The following GPHN variants were observed in gnomAD, a reference collection of about 807,000 sequenced individuals.
GPHN encodes gephyrin.
In GPHN, 17 loss-of-function variants were observed where a neutral mutation model predicts 95.5. The ratio of observed to expected loss-of-function variants is 0.18; its 90% CI spans 0.12 to 0.27. The LOEUF is 0.27. GPHN is among the 10% of genes least tolerant of loss of function. The pLI is 1.00. For synonymous variants in GPHN, 320 were observed against 322.5 expected (o/e 0.99, Z 0.08); for missense variants, 660 against 978.1 (o/e 0.67, Z 4.34).
chr14:67,177,242 G>GCC (rs1567453993), intron 21 of GPHN, among the ~76,000 whole-genome samples: 1 of 152,140 alleles, frequency 6.6e-6, no homozygotes, highest in African/African-American at 2.4e-5. Context: ...TCTACACATT[G>GCC]CTTTAAACGT....
the GPHN span, among the ~76,000 whole-genome samples, chr14:67,280,792 T>TTTCCTTCCTTCCTTCCTTCCTTCC: frequency 3.1e-4 from 24 of 77,662 alleles, no homozygotes; most frequent in Non-Finnish European, 4.8e-4. Context: ...TCTGGAGCAG[T>TTTCCTTCCTTCCTTCCTTCCTTCC]TTCCTTCCTT....
intron 9 of GPHN, 123 bp downstream of exon 9, chr14:66,965,448 A>G (rs1261025897): frequency 6.5e-6 from 6 of 916,646 alleles, no homozygotes; most frequent in South Asian, 5.4e-5. Context: ...AAAAATGAAT[A>G]AAGTGTAAGA....
the GPHN span, chr14:67,204,818 T>G: frequency 6.2e-7 from 1 of 1,613,946 alleles, no homozygotes; most frequent in Admixed American, 1.7e-5. Flanking sequence ...TTCACAGCCA[T>G]CCTGACCCCG....
chr14:66,563,955 A>G (rs188499872), intron 1 of GPHN, among the ~76,000 whole-genome samples: 47 of 152,230 alleles, frequency 3.1e-4, no homozygotes, highest in African/African-American at 9.4e-4. Flanking sequence ...GTTTTGCATT[A>G]CTATTATGGT....
intron 20 of GPHN, among the ~76,000 whole-genome samples, chr14:67,166,507 T>A (rs931593089): frequency 5.3e-5 from 8 of 152,192 alleles, no homozygotes; most frequent in African/African-American, 1.9e-4. Context: ...CTACTTTTAA[T>A]TTGAAACCTT....
the GPHN span, chr14:67,348,949 G>A: frequency 1.6e-6 from 2 of 1,225,294 alleles, no homozygotes; most frequent in East Asian, 2.4e-5. Context: ...AAGAAACTAG[G>A]ACATTAAGAT....
At chr14:67,689,957 A>G in the GPHN span, 1 of 397,380 alleles carries the variant, frequency 2.5e-6, no homozygotes, top group Non-Finnish European at 4.7e-6. Flanking sequence ...AAAAAAAAAA[A>G]GTTAAGTAAC....
the GPHN span, among the ~76,000 whole-genome samples, chr14:67,624,637 G>A: frequency 2.0e-5 from 3 of 152,118 alleles, no homozygotes; most frequent in African/African-American, 7.2e-5. Flanking sequence ...TGAACCATTA[G>A]GAACAACCCC....
chr14:66,652,243 A>G (rs2065078356), intron 1 of GPHN, among the ~76,000 whole-genome samples: 1 of 152,148 alleles, frequency 6.6e-6, no homozygotes, highest in African/African-American at 2.4e-5. Context: ...CAATATAGAC[A>G]TTTGCAAAAT....
intron 1 of GPHN, among the ~76,000 whole-genome samples, chr14:66,615,792 A>T (rs1462837281): frequency 6.7e-6 from 1 of 150,302 alleles, no homozygotes. Flanking sequence ...GTCTTTGCCC[A>T]TGCCTGTGTC....
intron 8 of GPHN, among the ~76,000 whole-genome samples, chr14:66,932,444 GTTTTTTTTTT>G (rs35159325): frequency 1.4e-3 from 35 of 24,390 alleles, no homozygotes; most frequent in Admixed American, 2.2e-3. Flanking sequence ...CCAAGACCAG[GTTTTTTTTTT>G]TTTTTTTTTT....
intron 5 of GPHN, among the ~76,000 whole-genome samples, chr14:66,888,371 C>G (rs1038383757): frequency 2.0e-5 from 3 of 152,012 alleles, no homozygotes; most frequent in South Asian, 4.1e-4. Context: ...TTAACTTGTC[C>G]TCAGACATGC....
At chr14:66,779,680 T>A (rs990919120) in intron 3 of GPHN, among the ~76,000 whole-genome samples, 1 of 152,056 alleles carries the variant, frequency 6.6e-6, no homozygotes, top group Non-Finnish European at 1.5e-5. Context: ...TGGAGTTTTA[T>A]ACAGAAGCAT....
At chr14:66,571,429 T>C (rs1358369950) in intron 1 of GPHN, among the ~76,000 whole-genome samples, 1 of 152,164 alleles carries the variant, frequency 6.6e-6, no homozygotes, top group Non-Finnish European at 1.5e-5. Context: ...TTTCTCTCAT[T>C]CTGTAGGCTG....
chr14:67,028,368 T>A (rs1411943915), intron 10 of GPHN, among the ~76,000 whole-genome samples: 1 of 152,224 alleles, frequency 6.6e-6, no homozygotes, highest in Non-Finnish European at 1.5e-5. Flanking sequence ...TTTCCTTTCC[T>A]TTGGATATAT....
At chr14:67,659,804 G>A in the GPHN span, 1 of 1,614,098 alleles carries the variant, frequency 6.2e-7, no homozygotes, top group Admixed American at 1.7e-5. Context: ...TGTCAAAGGT[G>A]TGCTTCTCAC....
chr14:66,736,665 A>G (rs139210813), intron 2 of GPHN, among the ~76,000 whole-genome samples: 3 of 152,172 alleles, frequency 2.0e-5, no homozygotes, highest in Non-Finnish European at 2.9e-5. Flanking sequence ...TCGGCCTCCT[A>G]AAGTGCAGGG....
At chr14:66,736,925 C>A (rs1035817764) in intron 2 of GPHN, among the ~76,000 whole-genome samples, 14 of 152,044 alleles carry the variant, frequency 9.2e-5, no homozygotes, top group African/African-American at 3.4e-4. Flanking sequence ...CTTCTTGAGA[C>A]CTGTCTTCCA....
In GPHN at chr14:66,619,095, T is replaced by C. The variant is rs148530167; in HGVS notation, c.65-62012T>C. Among the ~76,000 whole-genome samples the C allele has an allele frequency of 2.6e-3, 393 of 152,346 alleles. 2 individuals carry two copies. The highest frequency in any genetic ancestry group is 8.9e-3 in the African/African-American group (372 of 41,596). The stretch of plus-strand genomic sequence containing the variant: ...GTTTTTCATATAAAGTTTATTCTTT[T>C]TTGTTGTTCATTCATATTCCATTAT... On this transcript the variant is annotated intron_variant, in intron 1 of 22. Coordinates refer to ENST00000478722, the MANE Select transcript of GPHN (RefSeq NM_020806.5).
Sources: allele counts gnomAD v4.1 joint callset (sites outside exome capture counted in the v4.1 genomes callset), GRCh38; gene constraint gnomAD v4.1.1; transcripts MANE v1.5; gene names NCBI Gene and HGNC (gene_info 2026-07-23, HGNC 2026-07-21).